Variants in ZBTB20 observed in about 807,000 individuals in gnomAD.
ZBTB20 encodes the protein zinc finger and BTB domain-containing protein 20.
In ZBTB20, 9 loss-of-function variants were observed where a neutral mutation model predicts 56.9. The ratio of observed to expected loss-of-function variants is 0.16; its 90% CI spans 0.10 to 0.28. ZBTB20 has a LOEUF of 0.28. ZBTB20 is among the 10% of genes least tolerant of loss of function. ZBTB20 has a pLI of 1.00. For missense variants in ZBTB20, 655 were observed against 1,003.0 expected (o/e 0.65, Z 4.69); for synonymous variants, 417 against 420.7 (o/e 0.99, Z 0.11).
intron 2 of ZBTB20, among the ~76,000 whole-genome samples, chr3:115,056,222 T>TATAAAGAGATGCTCAAAAA (rs1175272301): frequency 6.6e-6 from 1 of 151,978 alleles, no homozygotes; most frequent in Non-Finnish European, 1.5e-5. Context: ...CTAGTAAACA[T>TATAAAGAGATGCTCAAAAA]ATAAAGAGAT....
At chr3:115,060,693 T>C (rs907663689) in intron 2 of ZBTB20, among the ~76,000 whole-genome samples, 3 of 152,144 alleles carry the variant, frequency 2.0e-5, no homozygotes, top group Non-Finnish European at 4.4e-5. Context: ...GGGGGAAGTT[T>C]TTCAAATAAC....
intron 7 of ZBTB20, among the ~76,000 whole-genome samples, chr3:114,390,891 T>C (rs1002167588): frequency 2.0e-5 from 3 of 152,232 alleles, no homozygotes; most frequent in African/African-American, 7.2e-5. Context: ...GTCTTTCCTT[T>C]AAAATCTGTT....
intron 5 of ZBTB20, among the ~76,000 whole-genome samples, chr3:114,772,177 T>C (rs1360370424): frequency 6.6e-6 from 1 of 151,830 alleles, no homozygotes; most frequent in Non-Finnish European, 1.5e-5. Context: ...CCGTCTCTAC[T>C]AAAAATACAA....
chr3:114,760,220 T>G (rs2068336845), intron 5 of ZBTB20, among the ~76,000 whole-genome samples: 1 of 152,194 alleles, frequency 6.6e-6, no homozygotes, highest in Non-Finnish European at 1.5e-5. Context: ...ATTGGATACA[T>G]ATTTATTGAG....
chr3:114,661,306 A>G (rs1458783002), intron 6 of ZBTB20, among the ~76,000 whole-genome samples: 1 of 152,130 alleles, frequency 6.6e-6, no homozygotes, highest in African/African-American at 2.4e-5. Context: ...TGAGGGAGAG[A>G]AACGTACCTT....
At chr3:114,650,106 T>C (rs1454359628) in intron 6 of ZBTB20, among the ~76,000 whole-genome samples, 1 of 151,968 alleles carries the variant, frequency 6.6e-6, no homozygotes, top group Non-Finnish European at 1.5e-5. Flanking sequence ...GATCCTTTCA[T>C]GTTTCTCAGT....
intron 7 of ZBTB20, among the ~76,000 whole-genome samples, chr3:114,496,787 G>A (rs928819942): frequency 6.6e-6 from 1 of 152,194 alleles, no homozygotes; most frequent in African/African-American, 2.4e-5. Context: ...AGGGAGCAAT[G>A]AGAAAATGAT....
intron 4 of ZBTB20, among the ~76,000 whole-genome samples, chr3:114,817,192 T>TACAC (rs56294507): frequency 0.076 from 11,121 of 145,702 alleles, 598 homozygotes; most frequent in African/African-American, 0.16. Context: ...ATACAACTTA[T>TACAC]ACACACACAC....
chr3:115,066,799 A>G (rs2108497539), intron 2 of ZBTB20, among the ~76,000 whole-genome samples: 1 of 152,168 alleles, frequency 6.6e-6, no homozygotes, highest in African/African-American at 2.4e-5. Flanking sequence ...TTCACACTGG[A>G]TTTTCAACAC....
At chr3:114,839,179 T>C (rs1417338611) in intron 4 of ZBTB20, among the ~76,000 whole-genome samples, 3 of 152,224 alleles carry the variant, frequency 2.0e-5, no homozygotes, top group South Asian at 2.1e-4. Context: ...AGTGGGCAGA[T>C]TGTTTGAGCT....
chr3:114,599,101 A>G (rs2056563891), intron 6 of ZBTB20: 1 of 152,056 alleles, frequency 6.6e-6, no homozygotes, highest in Non-Finnish European at 1.5e-5. Context: ...ACCTCCCTAA[A>G]TTACACAGGT....
chr3:115,024,981 A>G (rs2080360015), intron 2 of ZBTB20, among the ~76,000 whole-genome samples: 1 of 151,074 alleles, frequency 6.6e-6, no homozygotes, highest in Non-Finnish European at 1.5e-5. Flanking sequence ...GTACAAGTAC[A>G]TGTTTGTTAC....
chr3:114,395,269 G>C (rs1486587781), intron 7 of ZBTB20, among the ~76,000 whole-genome samples: 1 of 152,028 alleles, frequency 6.6e-6, no homozygotes, highest in Non-Finnish European at 1.5e-5. Flanking sequence ...GGTCATTGTG[G>C]GGAATACAAT....
intron 3 of ZBTB20, among the ~76,000 whole-genome samples, chr3:114,920,407 A>G (rs1211688099): frequency 6.6e-6 from 1 of 152,228 alleles, no homozygotes; most frequent in African/African-American, 2.4e-5. Flanking sequence ...TTTAGAAAAA[A>G]CTAAAATTAT....
intron 2 of ZBTB20, among the ~76,000 whole-genome samples, chr3:114,994,814 G>C (rs1306286281): frequency 6.6e-6 from 1 of 151,822 alleles, no homozygotes; most frequent in Non-Finnish European, 1.5e-5. Flanking sequence ...ACACCATCAG[G>C]ATGAATTTAC....
chr3:115,022,096 T>A (rs1181240189), intron 2 of ZBTB20, among the ~76,000 whole-genome samples: 1 of 150,568 alleles, frequency 6.6e-6, no homozygotes, highest in African/African-American at 2.4e-5. Context: ...GTTCAGACAA[T>A]CTCCATTTTT....
intron 11 of ZBTB20, among the ~76,000 whole-genome samples, chr3:114,347,193 T>C (rs550005308): frequency 6.7e-6 from 1 of 149,878 alleles, no homozygotes; most frequent in African/African-American, 2.5e-5. Context: ...TCTGGGACTA[T>C]TGGTGTGTAC....
At chr3:114,998,117 C>A (rs2108197249) in intron 2 of ZBTB20, among the ~76,000 whole-genome samples, 1 of 151,696 alleles carries the variant, frequency 6.6e-6, no homozygotes, top group Middle Eastern at 3.4e-3. Flanking sequence ...CATGAAGTTG[C>A]AAATTAGTAT....
intron 7 of ZBTB20, among the ~76,000 whole-genome samples, chr3:114,396,516 T>C (rs954202163): frequency 1.1e-4 from 17 of 152,182 alleles, no homozygotes; most frequent in Admixed American, 8.5e-4. Context: ...TCCCATTTTA[T>C]AGACGAAGGA....
Sources: allele counts gnomAD v4.1 joint callset (sites outside exome capture counted in the v4.1 genomes callset), GRCh38; gene constraint gnomAD v4.1.1; transcripts MANE v1.5; gene names NCBI Gene and HGNC (gene_info 2026-07-23, HGNC 2026-07-21).